ELMO1: variants seen among roughly 807,000 people sequenced by gnomAD.
ELMO1 encodes engulfment and cell motility 1.
ELMO1 carries 26 observed loss-of-function variants against 98.9 expected under a neutral mutation model. The observed-to-expected ratio is 0.26, with a 90% confidence interval of 0.19 to 0.36. ELMO1 has a LOEUF of 0.36. ELMO1 is among the 10% of genes least tolerant of loss of function. ELMO1 has a pLI of 1.00. For missense variants in ELMO1, 627 were observed against 935.2 expected (o/e 0.67, Z 4.30); for synonymous variants, 346 against 346.0 (o/e 1.00, Z 0.00).
At chr7:37,134,973 T>C (rs1584700398) in intron 13 of ELMO1, among the ~76,000 whole-genome samples, 3 of 152,210 alleles carry the variant, frequency 2.0e-5, no homozygotes, top group Non-Finnish European at 4.4e-5. Context: ...ATGTAGGTGA[T>C]GGATACACTA....
At chr7:36,939,806 G>A (rs1186179987) in intron 16 of ELMO1, among the ~76,000 whole-genome samples, 1 of 152,224 alleles carries the variant, frequency 6.6e-6, no homozygotes, top group African/African-American at 2.4e-5. Context: ...GAGGCAGAGG[G>A]GCCAAGTGGC....
intron 15 of ELMO1, among the ~76,000 whole-genome samples, chr7:37,018,172 G>A (rs899558924): frequency 6.7e-6 from 1 of 150,058 alleles, no homozygotes; most frequent in African/African-American, 2.5e-5. Context: ...TGTTGCCCAG[G>A]CTGGAGAGCA....
chr7:37,128,985 G>A (rs1786717050), intron 14 of ELMO1, among the ~76,000 whole-genome samples: 1 of 152,212 alleles, frequency 6.6e-6, no homozygotes, highest in Middle Eastern at 3.4e-3. Context: ...AGAGGGTCAG[G>A]AAGTCTTCTT....
At chr7:37,398,183 AG>A (rs1332435032) in intron 1 of ELMO1, among the ~76,000 whole-genome samples, 1 of 152,220 alleles carries the variant, frequency 6.6e-6, no homozygotes, top group Non-Finnish European at 1.5e-5. Flanking sequence ...AATTTTAAAA[AG>A]GATGGCCAAT....
chr7:37,388,317 A>G (rs530496403), intron 1 of ELMO1, among the ~76,000 whole-genome samples: 4 of 152,306 alleles, frequency 2.6e-5, no homozygotes, highest in African/African-American at 9.6e-5. Context: ...ACAAATACTA[A>G]GAACAAAACA....
At chr7:37,385,375 C>A (rs1233294900) in intron 1 of ELMO1, among the ~76,000 whole-genome samples, 1 of 152,200 alleles carries the variant, frequency 6.6e-6, no homozygotes, top group East Asian at 1.9e-4. Context: ...CCTGCTATTC[C>A]CCAGCAGGCC....
Position 36,870,531 on chromosome 7 carries a change from A to T in ELMO1, c.1823-56T>A. On this transcript the variant is annotated intron_variant, in intron 19 of 21. Transcript: ENST00000310758. The surrounding 1 kb of genome is among the most constrained non-coding windows in gnomAD (Gnocchi z 4.4). ...TACACCATGTGAAAACTTTGATGTC[A>T]ATAAAGAAACAGGACTAAGCACTGG... 1.3e-6 allele frequency: 2 copies of T among 1,562,556 alleles called. No individual in the cohort carries two copies. The highest frequency in any genetic ancestry group is 2.3e-5 in the South Asian group (2 of 88,144).
intron 16 of ELMO1, among the ~76,000 whole-genome samples, chr7:36,920,715 C>T (rs531602382): frequency 2.6e-5 from 4 of 152,174 alleles, no homozygotes; most frequent in African/African-American, 9.6e-5. Flanking sequence ...ATGTTGTTTT[C>T]TACTGCTGAT....
At chr7:37,030,966 T>C (rs1474407862) in intron 15 of ELMO1, among the ~76,000 whole-genome samples, 2 of 152,200 alleles carry the variant, frequency 1.3e-5, no homozygotes, top group Non-Finnish European at 1.5e-5. Context: ...ACATAACTCC[T>C]ATTCTTTATG....
chr7:36,880,151 C>T (rs1245245747), intron 18 of ELMO1, among the ~76,000 whole-genome samples: 4 of 152,122 alleles, frequency 2.6e-5, no homozygotes, highest in South Asian at 2.1e-4. Flanking sequence ...CTAGGTGATA[C>T]GTTTGGCTGT....
intron 13 of ELMO1, among the ~76,000 whole-genome samples, chr7:37,168,181 C>A (rs1789863299): frequency 2.0e-5 from 3 of 152,352 alleles, no homozygotes; most frequent in East Asian, 3.9e-4. Flanking sequence ...CCTTGGCTTT[C>A]AGCTCCATCA....
Position 37,097,995 on chromosome 7 carries a change from T to C in ELMO1, c.1192-1268A>G, listed in dbSNP as rs535163203. On this transcript the variant is annotated intron_variant, in intron 14 of 21. Coordinates refer to ENST00000310758, the MANE Select transcript of ELMO1 (RefSeq NM_014800.11). ...CTAAGGGAATTACTCTACACATAGA[T>C]TAAACAAAAGCAAAACAAAATAACA... is the stretch of plus-strand genomic sequence containing the variant. 2.6e-5 allele frequency among the ~76,000 whole-genome samples: 4 copies of C among 152,354 alleles called. No homozygotes were observed. In the East Asian group the frequency reaches 5.8e-4, roughly 22 times the overall value.
intron 1 of ELMO1, among the ~76,000 whole-genome samples, chr7:37,391,653 G>A (rs1803082793): frequency 6.6e-6 from 1 of 152,186 alleles, no homozygotes; most frequent in Non-Finnish European, 1.5e-5. Flanking sequence ...TCTAGCCACT[G>A]AGCCATCCAG....
chr7:37,193,782 T>G (rs1791796199), intron 13 of ELMO1, among the ~76,000 whole-genome samples: 1 of 152,160 alleles, frequency 6.6e-6, no homozygotes, highest in Non-Finnish European at 1.5e-5. Flanking sequence ...CAGTTTTCTC[T>G]TATCACCATT....
chr7:36,919,422 G>A (rs757377257), intron 16 of ELMO1: 7 of 529,596 alleles, frequency 1.3e-5, no homozygotes, highest in Non-Finnish European at 2.7e-5. Flanking sequence ...AATGGCTCAG[G>A]AGAAGTAGCA....
chr7:37,344,788 G>A (rs80276745), intron 1 of ELMO1, among the ~76,000 whole-genome samples: 2,318 of 152,316 alleles, frequency 0.015, 73 homozygotes, highest in African/African-American at 0.053. Context: ...GAGTGAGGCT[G>A]AACATAAAGA....
chr7:37,081,152 T>G (rs1797846900), intron 15 of ELMO1, among the ~76,000 whole-genome samples: 1 of 152,206 alleles, frequency 6.6e-6, no homozygotes, highest in Non-Finnish European at 1.5e-5. Context: ...GAGCAAATGT[T>G]CATCCCGGTG....
intron 14 of ELMO1, among the ~76,000 whole-genome samples, chr7:37,101,978 A>G (rs904899707): frequency 1.3e-5 from 2 of 152,128 alleles, no homozygotes; most frequent in African/African-American, 4.8e-5. Context: ...CTGTTTCCTG[A>G]CCCATTGGAG....
At chr7:37,272,661 G>A (rs1796630555) in intron 4 of ELMO1, among the ~76,000 whole-genome samples, 2 of 148,328 alleles carry the variant, frequency 1.3e-5, no homozygotes, top group African/African-American at 5.0e-5. Flanking sequence ...GGCAACAAGA[G>A]TGAAACTCCG....
Sources: gnomAD v4.1 joint callset for allele counts (sites outside exome capture counted in the v4.1 genomes callset) on GRCh38, gnomAD v4.1.1 for gene constraint, Gnocchi (gnomAD v3.1) non-coding constraint, MANE v1.5 for transcripts, NCBI Gene and HGNC (gene_info 2026-07-23, HGNC 2026-07-21) for gene names.